The following VRK3 variants were observed in gnomAD, a reference collection of about 807,000 sequenced individuals.
The protein encoded by VRK3 is serine/threonine-protein kinase VRK3.
VRK3 carries 50 observed loss-of-function variants against 60.4 expected under a neutral mutation model. The observed-to-expected ratio is 0.83, with a 90% CI of 0.66 to 1.05. The LOEUF (loss-of-function observed/expected upper bound fraction) is 1.05, where lower values mean the gene tolerates loss of function less well. Ranked by LOEUF, VRK3 falls within the 50% of genes least tolerant of loss-of-function variation. VRK3 has a pLI of 0.00. For synonymous variants in VRK3, 246 were observed against 227.8 expected, an observed-to-expected ratio of 1.08 and a Z score of -0.72; for missense variants, 549 against 585.3, an observed-to-expected ratio of 0.94 and a Z score of 0.64.
At chr19:50,003,610 C>T (rs2076845901) in intron 5 of VRK3, among the ~76,000 whole-genome samples, 1 of 152,236 alleles carries the variant, frequency 6.6e-6, no homozygotes, top group Non-Finnish European at 1.5e-5. Flanking sequence ...ATGCTTAGAG[C>T]ATGGCGCAGA....
At chr19:49,981,789 C>G in intron 12 of VRK3, 1 of 1,057,754 alleles carries the variant, frequency 9.5e-7, no homozygotes, top group Non-Finnish European at 1.1e-6. Context: ...CAAGCACACA[C>G]ACAGACACAC....
chr19:50,007,827 C>T lies in VRK3; in HGVS notation c.290-1G>A, dbSNP rs374667495. ...GGGGTTGGGGGTCTGCTCCCGGAGC[C>T]TGCAGGAGGATGTAAGAATAAAGTA... On this transcript the variant is annotated splice_acceptor_variant, in intron 4 of 14. Coordinates refer to ENST00000316763, the MANE Select transcript of VRK3 (RefSeq NM_016440.4). LOFTEE classifies it high-confidence loss of function. The T allele has an allele frequency of 9.3e-6, 15 of 1,614,072 alleles. No homozygotes were observed. The highest frequency in any genetic ancestry group is 1.2e-5 in the Non-Finnish European group (14 of 1,180,002).
intron 3 of VRK3, among the ~76,000 whole-genome samples, chr19:50,011,441 G>A (rs929616469): frequency 1.3e-5 from 2 of 152,130 alleles, no homozygotes; most frequent in Non-Finnish European, 2.9e-5. Context: ...GTTGGTCCCT[G>A]GGCTACTGGA....
chr19:49,995,114 T>A, intron 8 of VRK3, 77 bp downstream of exon 8: 2 of 1,499,336 alleles, frequency 1.3e-6, no homozygotes, highest in South Asian at 2.3e-5. Flanking sequence ...GGCTTCGGGG[T>A]CCCAGCCATG....
At chr19:50,011,683 G>A (rs909639504) in intron 3 of VRK3, among the ~76,000 whole-genome samples, 5 of 147,936 alleles carry the variant, frequency 3.4e-5, no homozygotes, top group South Asian at 2.2e-4. Flanking sequence ...ACTCCCTCCC[G>A]TGGTCCTGCC....
Position 49,988,462 on chromosome 19 carries a change from AG to A in VRK3, c.1126del (p.Leu376TrpfsTer6). On this transcript the variant is annotated frameshift_variant, in exon 12 of 15. Transcript: ENST00000316763. LOFTEE classifies it high-confidence loss of function. Reference sequence around the variant, plus strand: ...GAGCCACTTCAGCATGCAGTAGCCCAGGCTCTGGAGGTCGCTGCGGCGGGAG... The same window carrying A: ...GAGCCACTTCAGCATGCAGTAGCCCAGCTCTGGAGGTCGCTGCGGCGGGAG... ...GPSRRSDLQS[L>X]GYCMLKWLYG... 1 of 1,613,576 alleles carries A rather than the reference AG, an allele frequency of 6.2e-7. No homozygotes were observed. The highest frequency in any genetic ancestry group is 8.5e-7 in the Non-Finnish European group (1 of 1,179,666).
rs538133831 is a variant in VRK3 at position 50,008,418 on chromosome 19, C to G, written c.290-592G>C. ...TTACTCTGTTCCTCCCACCCACCAT[C>G]CCCTAAAGGCAAGTAATGGCAAGAG... On this transcript the variant is annotated intron_variant, in intron 4 of 14. Transcript: ENST00000316763. Among the ~76,000 whole-genome samples the G allele has an allele frequency of 2.6e-5, 4 of 152,266 alleles. No individual in the cohort carries two copies. In the East Asian group the frequency reaches 7.7e-4, roughly 29 times the overall value.
At chr19:50,025,063 C>T (rs1326551811) in intron 1 of VRK3, 1 of 152,270 alleles carries the variant, frequency 6.6e-6, no homozygotes, top group Non-Finnish European at 1.5e-5. Context: ...CCGCCTTAGC[C>T]ATGCCCAACA....
rs1481716334 is a variant in VRK3, at chr19:49,995,364, G to A, written c.680-89C>T. 9 of 1,168,570 alleles carry A rather than the reference G, an allele frequency of 7.7e-6. No homozygotes were observed. In the South Asian group the frequency reaches 1.2e-4, roughly 15 times the overall value. The allele number at this position is 1,168,570 out of a possible 1,614,324, so 72.4% of individuals were successfully genotyped here. On this transcript the variant is annotated intron_variant, in intron 7 of 14. Transcript: ENST00000316763. Reference sequence around the variant, plus strand: ...AGTTCTCAGAGAAGAAGCACAGAGTGCCCAGACCGCCTCCAAGTCTCCTTG... The same window carrying A: ...AGTTCTCAGAGAAGAAGCACAGAGTACCCAGACCGCCTCCAAGTCTCCTTG...
intron 5 of VRK3, 100 bp from the exon 6 acceptor site, chr19:50,000,954 G>A (rs1375804108): frequency 2.6e-6 from 3 of 1,172,698 alleles, no homozygotes; most frequent in African/African-American, 3.1e-5. Flanking sequence ...CTGGTGCCCT[G>A]GTTCCAACAA....
At chr19:50,021,694 ATGG>A (rs1412853534) in intron 1 of VRK3, among the ~76,000 whole-genome samples, 1 of 152,206 alleles carries the variant, frequency 6.6e-6, no homozygotes, top group Non-Finnish European at 1.5e-5. Context: ...GGCACAAGAA[ATGG>A]TGGTTCTACA....
intron 12 of VRK3, chr19:49,982,049 C>T (rs1479357831): frequency 7.3e-6 from 5 of 683,678 alleles, no homozygotes; most frequent in Non-Finnish European, 8.0e-6. Flanking sequence ...CCCCCGGAGG[C>T]GGCTGCATAA....
chr19:49,981,160 G>C, intron 12 of VRK3, 147 bp from the exon 13 acceptor site: 2 of 746,050 alleles, frequency 2.7e-6, no homozygotes, highest in Non-Finnish European at 4.6e-6. Context: ...AAGTCACTGT[G>C]AACACTGAAT....
At chr19:50,009,187 C>G in intron 4 of VRK3, 49 bp downstream of exon 4, 1 of 1,585,176 alleles carries the variant, frequency 6.3e-7, no homozygotes, top group Non-Finnish European at 8.6e-7. Context: ...ATCAGATGAC[C>G]TAACTTTGCT....
At chr19:49,999,444 T>A (rs1223374004) in intron 6 of VRK3, 3 of 152,302 alleles carry the variant, frequency 2.0e-5, no homozygotes, top group Admixed American at 2.0e-4. Flanking sequence ...GTCTGACCCA[T>A]CTCTGCAGAT....
intron 3 of VRK3, among the ~76,000 whole-genome samples, chr19:50,014,054 G>C (rs2122556708): frequency 6.6e-6 from 1 of 152,194 alleles, no homozygotes; most frequent in South Asian, 2.1e-4. Context: ...ATCACTTGAG[G>C]CCAGGAGTTC....
intron 1 of VRK3, 45 bp downstream of exon 1, chr19:50,025,222 T>C (rs1019833002): frequency 6.6e-6 from 1 of 152,284 alleles, no homozygotes; most frequent in African/African-American, 2.4e-5. Flanking sequence ...GAGCTGCGGC[T>C]AGGGGGTCGG....
intron 4 of VRK3, 33 bp downstream of exon 4, chr19:50,009,203 T>TA: frequency 6.2e-7 from 1 of 1,605,406 alleles, no homozygotes; most frequent in Non-Finnish European, 8.5e-7. Context: ...TTGCTCCACT[T>TA]AAGAGTCAGG....
intron 2 of VRK3, among the ~76,000 whole-genome samples, chr19:50,019,488 C>A (rs920150768): frequency 6.6e-6 from 1 of 151,646 alleles, no homozygotes; most frequent in African/African-American, 2.4e-5. Context: ...GTTGCTGAAG[C>A]CTAGCCTAGC....
Sources: gnomAD v4.1 joint callset for allele counts (sites outside exome capture counted in the v4.1 genomes callset) on GRCh38, gnomAD v4.1.1 for gene constraint, MANE v1.5 for transcripts, NCBI Gene and HGNC (gene_info 2026-07-23, HGNC 2026-07-21) for gene names.